DSCAML1: variants seen among roughly 807,000 people sequenced by gnomAD.
DSCAML1 encodes cell adhesion molecule DSCAML1.
A neutral mutation model predicts 200.5 loss-of-function variants in DSCAML1; 38 were observed. The observed-to-expected ratio is 0.19, with a 90% CI of 0.15 to 0.25. The LOEUF is 0.25. Among genes scored for constraint, DSCAML1 ranks in the 10% least tolerant of loss-of-function variants. The pLI is 1.00. For missense variants in DSCAML1, 2,223 were observed against 2,858.8 expected, an observed-to-expected ratio of 0.78 and a Z score of 5.07; for synonymous variants, 1,215 against 1,165.0, an observed-to-expected ratio of 1.04 and a Z score of -0.87.
chr11:117,454,615 C>T (rs2048340591), intron 19 of DSCAML1, among the ~76,000 whole-genome samples: 1 of 152,166 alleles, frequency 6.6e-6, no homozygotes, highest in East Asian at 1.9e-4. Flanking sequence ...TCTTATCTGT[C>T]TTTTTTTCCC....
intron 3 of DSCAML1, among the ~76,000 whole-genome samples, chr11:117,575,191 C>G (rs2050910074): frequency 6.6e-6 from 1 of 152,080 alleles, no homozygotes; most frequent in South Asian, 2.1e-4. Flanking sequence ...AACTCCATTT[C>G]AAAAATAAAA....
At chr11:117,521,532 C>CCTGGCAGAACACAAGTCTCTG in intron 5 of DSCAML1, 127 bp from the exon 6 acceptor site, 1 of 954,928 alleles carries the variant, frequency 1.0e-6, no homozygotes, top group South Asian at 1.7e-5. Context: ...TGCCTCCAGA[C>CCTGGCAGAACACAAGTCTCTG]CCCTTGTGTG....
At position 117,453,482 on chromosome 11, in the gene DSCAML1, C is replaced by T. The variant is rs141988840; in HGVS notation, c.3569-2794G>A. Among the ~76,000 whole-genome samples, 70 of 152,208 alleles carry T rather than the reference C, an allele frequency of 4.6e-4. 3 individuals carry two copies. In the East Asian group the frequency reaches 0.013, roughly 29 times the overall value. On this transcript the variant is annotated intron_variant, in intron 19 of 32. Coordinates refer to ENST00000651296, the MANE Select transcript of DSCAML1 (RefSeq NM_020693.4). ...TATTTGTCTGAAAATGTCTTTATTT[C>T]ATCTTAATCATGAAGAATAGTTTTG...
At chr11:117,530,684 G>A (rs1365600592) in intron 4 of DSCAML1, among the ~76,000 whole-genome samples, 1 of 152,174 alleles carries the variant, frequency 6.6e-6, no homozygotes, top group Non-Finnish European at 1.5e-5. Flanking sequence ...ACATGTGACA[G>A]ACAAGTGGAA....
intron 4 of DSCAML1, among the ~76,000 whole-genome samples, chr11:117,530,949 T>G (rs1208168685): frequency 1.3e-5 from 2 of 152,138 alleles, no homozygotes; most frequent in East Asian, 1.9e-4. Context: ...ACCCGCAAAC[T>G]TTTAGGAGGT....
intron 3 of DSCAML1, among the ~76,000 whole-genome samples, chr11:117,694,059 A>T (rs893494187): frequency 7.3e-5 from 4 of 54,870 alleles, no homozygotes; most frequent in Admixed American, 2.6e-4. Flanking sequence ...TTCTATCTTT[A>T]TATATATATA....
At chr11:117,583,673 G>A (rs1224351540) in intron 3 of DSCAML1, among the ~76,000 whole-genome samples, 4 of 152,178 alleles carry the variant, frequency 2.6e-5, no homozygotes, top group Non-Finnish European at 5.9e-5. Flanking sequence ...CATCTGACAC[G>A]CTTGACCAGA....
At chr11:117,590,232 A>G (rs1160063512) in intron 3 of DSCAML1, among the ~76,000 whole-genome samples, 1 of 152,094 alleles carries the variant, frequency 6.6e-6, no homozygotes, top group Non-Finnish European at 1.5e-5. Flanking sequence ...TCTGTTGCCC[A>G]GGCTGGAATG....
chr11:117,817,286 G>C (rs999848210), intron 1 of DSCAML1: 1 of 152,342 alleles, frequency 6.6e-6, no homozygotes, highest in Non-Finnish European at 1.5e-5. Flanking sequence ...GCAGGGCAGA[G>C]CTACCTGCCC....
At chr11:117,440,081 G>A in intron 21 of DSCAML1, 145 bp from the exon 22 acceptor site, 1 of 659,856 alleles carries the variant, frequency 1.5e-6, no homozygotes, top group Non-Finnish European at 2.7e-6. Flanking sequence ...AGGGGTAGGT[G>A]TCAGGGAATA....
intron 11 of DSCAML1, among the ~76,000 whole-genome samples, chr11:117,485,039 C>T (rs2049015427): frequency 6.6e-6 from 1 of 152,050 alleles, no homozygotes; most frequent in Admixed American, 6.5e-5. Context: ...CTAACCCTTC[C>T]AGGACCTGTG....
rs1429225636 is a variant in DSCAML1, at chr11:117,518,189, A to C, written c.1510+277T>G. On this transcript the variant is annotated intron_variant, in intron 7 of 32. Coordinates refer to ENST00000651296, the MANE Select transcript of DSCAML1 (RefSeq NM_020693.4). The surrounding 1 kb of genome is among the most constrained non-coding windows in gnomAD (Gnocchi z 6.3). ...GGAGGAATGGGCTAGAGGGTAAGAG[A>C]AGGGGCTGGGCTGGCTGGATTTCTG... is the stretch of plus-strand genomic sequence containing the variant. Among the ~76,000 whole-genome samples, 4 of 151,904 alleles carry C rather than the reference A, an allele frequency of 2.6e-5. No individual in the cohort carries two copies. The highest frequency in any genetic ancestry group is 9.7e-5 in the African/African-American group (4 of 41,320).
intron 3 of DSCAML1, among the ~76,000 whole-genome samples, chr11:117,743,974 A>G (rs116457925): frequency 0.013 from 1,915 of 152,260 alleles, 40 homozygotes; most frequent in African/African-American, 0.041. Context: ...CTTGATCTGG[A>G]CAACACGTCT....
Position 117,470,337 on chromosome 11 carries a change from A to G in DSCAML1, c.2954-357T>C, listed in dbSNP as rs190378519. Among the ~76,000 whole-genome samples, 802 of 152,296 alleles carry G rather than the reference A, an allele frequency of 5.3e-3. 6 individuals are homozygous for G. The highest frequency in any genetic ancestry group is 0.019 in the African/African-American group (773 of 41,566). ...ACACCTGTAATCCCAGCACTTTGGG[A>G]GGCCAAGGCGGGCGGATCACGAGGT... On this transcript the variant is annotated intron_variant, in intron 15 of 32. Coordinates refer to ENST00000651296, the MANE Select transcript of DSCAML1 (RefSeq NM_020693.4).
chr11:117,646,461 C>T (rs1217936454), intron 3 of DSCAML1, among the ~76,000 whole-genome samples: 1 of 152,166 alleles, frequency 6.6e-6, no homozygotes, highest in Non-Finnish European at 1.5e-5. Flanking sequence ...CAGAGTCCCT[C>T]GCTTCCTTCC....
chr11:117,517,770 C>G (rs2049801700), intron 7 of DSCAML1, among the ~76,000 whole-genome samples: 1 of 152,198 alleles, frequency 6.6e-6, no homozygotes, highest in Admixed American at 6.5e-5. Flanking sequence ...AGTCAGACCC[C>G]ATCGGGCTAC....
intron 3 of DSCAML1, among the ~76,000 whole-genome samples, chr11:117,765,181 T>TG (rs1484761867): frequency 3.9e-5 from 6 of 152,220 alleles, no homozygotes; most frequent in Non-Finnish European, 7.3e-5. Context: ...GGGCCCCTCC[T>TG]GCCCTCCATA....
At chr11:117,442,665 C>T (rs962492513) in intron 21 of DSCAML1, among the ~76,000 whole-genome samples, 1 of 152,154 alleles carries the variant, frequency 6.6e-6, no homozygotes, top group African/African-American at 2.4e-5. Context: ...AAGAGGCCAG[C>T]CTTCTGCAAA....
Position 117,584,846 on chromosome 11 carries a change from A to G in DSCAML1, c.512-52324T>C, listed in dbSNP as rs115281052. ...CAAGTGACTCAGTCTCCTTTTCTGT[A>G]AAATGGCTTAACAGGAGTACCCACC... On this transcript the variant is annotated intron_variant, in intron 3 of 32. Coordinates refer to ENST00000651296, the MANE Select transcript of DSCAML1 (RefSeq NM_020693.4). 6.1e-3 allele frequency among the ~76,000 whole-genome samples: 934 copies of G among 152,316 alleles called. 10 individuals carry two copies. The highest frequency in any genetic ancestry group is 0.02 in the African/African-American group (844 of 41,558).
Sources: gnomAD v4.1 joint callset for allele counts (sites outside exome capture counted in the v4.1 genomes callset) on GRCh38, gnomAD v4.1.1 for gene constraint, Gnocchi (gnomAD v3.1) non-coding constraint, MANE v1.5 for transcripts, NCBI Gene and HGNC (gene_info 2026-07-23, HGNC 2026-07-21) for gene names.